The following TUT7 variants were observed in gnomAD, a reference collection of about 807,000 sequenced individuals.
TUT7 encodes the protein terminal uridylyltransferase 7.
In TUT7, 33 loss-of-function variants were observed where a neutral mutation model predicts 165.9. That is an observed-to-expected ratio of 0.20 (90% CI 0.15 to 0.27). The LOEUF (loss-of-function observed/expected upper bound fraction) is 0.27. TUT7 is among the 10% of genes least tolerant of loss of function. The pLI is 1.00. For missense variants in TUT7, 1,338 were observed against 1,762.3 expected, an observed-to-expected ratio of 0.76 and a Z score of 4.31; for synonymous variants, 552 against 608.1, an observed-to-expected ratio of 0.91 and a Z score of 1.36.
chr9:86,308,682 G>T, intron 21 of TUT7, 76 bp from the exon 22 acceptor site: 1 of 1,252,260 alleles, frequency 8.0e-7, no homozygotes, highest in South Asian at 1.8e-5. Context: ...GTATTTTAGG[G>T]AGTAAATTTG....
intron 5 of TUT7, among the ~76,000 whole-genome samples, chr9:86,344,588 C>T (rs975686113): frequency 7.1e-6 from 1 of 141,770 alleles, no homozygotes; most frequent in East Asian, 2.0e-4. Flanking sequence ...TAAATAAAAT[C>T]TTTTTTTTTT....
At chr9:86,310,858 T>G (rs769510709) in intron 17 of TUT7, 49 bp from the exon 18 acceptor site, 1 of 1,072,042 alleles carries the variant, frequency 9.3e-7, no homozygotes, top group South Asian at 1.3e-5. Context: ...GCTGGGGATA[T>G]AAGTAACTCT....
intron 17 of TUT7, among the ~76,000 whole-genome samples, chr9:86,312,256 G>C (rs1431679684): frequency 6.6e-6 from 1 of 150,778 alleles, no homozygotes; most frequent in Non-Finnish European, 1.5e-5. Flanking sequence ...GATGTGGGGA[G>C]CGCCTCTGCT....
intron 24 of TUT7, among the ~76,000 whole-genome samples, chr9:86,303,972 G>A (rs1827209091): frequency 6.6e-6 from 1 of 152,196 alleles, no homozygotes; most frequent in Admixed American, 6.5e-5. Context: ...AGTCTTCACT[G>A]GGAGTACAGA....
intron 10 of TUT7, among the ~76,000 whole-genome samples, chr9:86,329,651 T>G (rs1053871623): frequency 2.0e-5 from 3 of 152,150 alleles, no homozygotes; most frequent in African/African-American, 7.2e-5. Context: ...ACTTCATTGG[T>G]TTAGAAGAGA....
intron 17 of TUT7, 37 bp from the exon 18 acceptor site, chr9:86,310,846 C>A: frequency 8.4e-7 from 1 of 1,190,630 alleles, no homozygotes; most frequent in East Asian, 2.3e-5. Context: ...TTAAATACAG[C>A]AGCTGGGGAT....
chr9:86,343,234 C>T (rs1318216828), intron 5 of TUT7, 71 bp from the exon 6 acceptor site: 5 of 930,460 alleles, frequency 5.4e-6, no homozygotes, highest in East Asian at 6.1e-5. Flanking sequence ...CAAAACACTG[C>T]TATTTCAGAA....
chr9:86,306,109 A>G (rs1425809509), intron 22 of TUT7, among the ~76,000 whole-genome samples: 9 of 152,216 alleles, frequency 5.9e-5, no homozygotes, highest in Admixed American at 5.9e-4. Context: ...TTATGTGTAG[A>G]TATCTAACTT....
chr9:86,301,967 G>T (rs1458554397), intron 25 of TUT7: 1 of 556,096 alleles, frequency 1.8e-6, no homozygotes, highest in Non-Finnish European at 2.3e-6. Flanking sequence ...TCTTTACTTG[G>T]CACTGGAAAT....
chr9:86,294,426 T>C (rs1826133937), intron 26 of TUT7, among the ~76,000 whole-genome samples: 1 of 152,140 alleles, frequency 6.6e-6, no homozygotes, highest in South Asian at 2.1e-4. Flanking sequence ...TAATTTTTGA[T>C]GATACATCAC....
intron 24 of TUT7, among the ~76,000 whole-genome samples, chr9:86,303,664 A>G (rs1470470884): frequency 6.6e-6 from 1 of 152,234 alleles, no homozygotes; most frequent in Admixed American, 6.5e-5. Flanking sequence ...CTGAAGGAAA[A>G]ATAACAGAAC....
At chr9:86,341,678 T>C (rs557465494) in intron 6 of TUT7, among the ~76,000 whole-genome samples, 2 of 152,318 alleles carry the variant, frequency 1.3e-5, no homozygotes, top group African/African-American at 4.8e-5. Context: ...AAACTCTTTA[T>C]TGATTTAGGG....
chr9:86,290,455 C>T (rs1587831728), intron 26 of TUT7, among the ~76,000 whole-genome samples: 1 of 152,020 alleles, frequency 6.6e-6, no homozygotes, highest in South Asian at 2.1e-4. Flanking sequence ...AAACAAAGTA[C>T]TCTATTGTTC....
rs1327473701 is a variant in TUT7, at chr9:86,291,527, G to A, written c.4421-2783C>T. On this transcript the variant is annotated intron_variant, in intron 26 of 26. Transcript: ENST00000375963. ...GCAGACGTTGTGGTGAGCCGAGATT[G>A]TGCCATTGCACTCCAGCCTGGGCAA... is the stretch of plus-strand genomic sequence containing the variant. Among the ~76,000 whole-genome samples the A allele has an allele frequency of 8.1e-5, 12 of 147,768 alleles. No individual in the cohort carries two copies. The East Asian group carries it at 2.4e-3, about 30-fold the overall frequency.
chr9:86,351,132 C>CA (rs35968773), intron 2 of TUT7, among the ~76,000 whole-genome samples: 5,245 of 120,422 alleles, frequency 0.044, 266 homozygotes, highest in African/African-American at 0.13. Context: ...GAGACTGTCT[C>CA]AAAAAAAAAA....
chr9:86,337,707 A>G (rs1830938812), intron 9 of TUT7, among the ~76,000 whole-genome samples, 169 bp from the exon 10 acceptor site: 1 of 152,266 alleles, frequency 6.6e-6, no homozygotes. Context: ...CTTTTGCAGC[A>G]ACCACATATT....
Position 86,322,859 on chromosome 9 carries a change from G to A in TUT7, c.2877+14C>T, listed in dbSNP as rs1402208374. 7 of 1,575,172 alleles carry A rather than the reference G, an allele frequency of 4.4e-6. No individual in the cohort carries two copies. The highest frequency in any genetic ancestry group is 1.4e-5 in the African/African-American group (1 of 73,488). ...AAGTCTCCTAGTTCTATGACTAGTG[G>A]TGGTACTGATTACCTTGCCTTTGGT... On this transcript the variant is annotated intron_variant, in intron 13 of 26. Coordinates refer to ENST00000375963, the MANE Select transcript of TUT7 (RefSeq NM_024617.4).
chr9:86,336,601 C>G (rs1219882953), intron 10 of TUT7, among the ~76,000 whole-genome samples: 1 of 152,148 alleles, frequency 6.6e-6, no homozygotes, highest in Non-Finnish European at 1.5e-5. Flanking sequence ...TTAAGAACTC[C>G]TTAAATGATG....
At chr9:86,298,624 A>G (rs1418348587) in intron 26 of TUT7, 1 of 218,082 alleles carries the variant, frequency 4.6e-6, no homozygotes, top group Non-Finnish European at 7.8e-6. Flanking sequence ...ATGGGCAACT[A>G]TATGTTTTAA....
Sources: allele counts gnomAD v4.1 joint callset (sites outside exome capture counted in the v4.1 genomes callset), GRCh38; gene constraint gnomAD v4.1.1; transcripts MANE v1.5; gene names NCBI Gene and HGNC (gene_info 2026-07-23, HGNC 2026-07-21).